NEK1: variants seen among roughly 807,000 people sequenced by gnomAD.
NEK1 encodes the protein serine/threonine-protein kinase Nek1.
Under a neutral mutation model 182.1 loss-of-function variants are expected in NEK1, and 137 were observed. The ratio of observed to expected loss-of-function variants is 0.75; its 90% CI spans 0.65 to 0.87. The LOEUF is 0.87. NEK1 is among the 40% of genes least tolerant of loss of function. The pLI, the probability that NEK1 is intolerant of heterozygous loss-of-function variation, is 0.00. For synonymous variants in NEK1, 513 were observed against 492.2 expected (o/e 1.04, Z -0.56); for missense variants, 1,391 against 1,494.4 (o/e 0.93, Z 1.14).
At chr4:169,490,676 G>A (rs769222054) in intron 23 of NEK1, among the ~76,000 whole-genome samples, 6 of 151,956 alleles carry the variant, frequency 3.9e-5, no homozygotes, top group African/African-American at 9.7e-5. Flanking sequence ...TTCAATGAAT[G>A]AAATTGTTAA....
Position 169,602,118 on chromosome 4 carries a change from A to G in NEK1, c.118-14T>C. 6.4e-7 allele frequency: 1 copy of G among 1,569,880 alleles called. No homozygotes were observed. Among genetic ancestry groups the G allele is most frequent in the Non-Finnish European group, 8.8e-7 (1 of 1,140,510 alleles). ...TTTACTGGACATCTTAAATGGGAGG[A>G]AAAAGAAAATAGTAAATGAAACCAT... On this transcript the variant is annotated splice_polypyrimidine_tract_variant and intron_variant, in intron 3 of 35. Coordinates refer to ENST00000507142, the MANE Select transcript of NEK1 (RefSeq NM_001199397.3).
At chr4:169,457,073 G>A (rs770137989) in intron 27 of NEK1, among the ~76,000 whole-genome samples, 2 of 152,132 alleles carry the variant, frequency 1.3e-5, no homozygotes, top group Non-Finnish European at 2.9e-5. Flanking sequence ...GGGTGGTGGT[G>A]GTGGGTGGTG....
At chr4:169,433,523 T>C (rs183106366) in intron 29 of NEK1, 22 bp downstream of exon 29, 1 of 1,586,894 alleles carries the variant, frequency 6.3e-7, no homozygotes, top group Middle Eastern at 1.7e-4. Flanking sequence ...GGTTTTAAAA[T>C]GTCAGGAAAA....
chr4:169,425,522 T>C (rs1269192668), intron 30 of NEK1, among the ~76,000 whole-genome samples: 1 of 152,214 alleles, frequency 6.6e-6, no homozygotes, highest in Admixed American at 6.5e-5. Context: ...AGTTTATCTT[T>C]GTTCCTATAG....
intron 27 of NEK1, 68 bp downstream of exon 27, chr4:169,463,175 T>G: frequency 1.1e-6 from 1 of 894,972 alleles, no homozygotes; most frequent in Non-Finnish European, 1.5e-6. Context: ...TGGAAACATC[T>G]TAAAATACAT....
intron 2 of NEK1, among the ~76,000 whole-genome samples, chr4:169,603,706 A>ATT (rs398064265): frequency 0.025 from 3,293 of 129,690 alleles, 74 homozygotes; most frequent in African/African-American, 0.057. Context: ...TTTATTGAAC[A>ATT]TTTTTTTTTT....
chr4:169,426,265 A>G (rs1457285448), intron 29 of NEK1, 31 bp from the exon 30 acceptor site: 1 of 1,559,326 alleles, frequency 6.4e-7, no homozygotes, highest in Admixed American at 1.7e-5. Context: ...AATTAAAAAC[A>G]CACACACTTA....
chr4:169,590,903 A>G, intron 5 of NEK1, 94 bp from the exon 6 acceptor site: 1 of 809,232 alleles, frequency 1.2e-6, no homozygotes, highest in Non-Finnish European at 2.0e-6. Flanking sequence ...CCTTAAAAAG[A>G]TATTTTAGGC....
Position 169,401,617 on chromosome 4 carries a change from G to C in NEK1, c.3583+35C>G, listed in dbSNP as rs749492819. Reference sequence around the variant, plus strand: ...ACTCTACTTGAAATATTTGTAAACTGAAAAAGAAAAAGGTCCAAAACTCTG... The same window carrying C: ...ACTCTACTTGAAATATTTGTAAACTCAAAAAGAAAAAGGTCCAAAACTCTG... On this transcript the variant is annotated intron_variant, in intron 33 of 35. Transcript: ENST00000507142. The C allele has an allele frequency of 2.5e-6, 4 of 1,580,452 alleles. No homozygotes were observed. In the South Asian group the frequency reaches 3.4e-5, roughly 13 times the overall value.
intron 19 of NEK1, among the ~76,000 whole-genome samples, chr4:169,509,341 T>C (rs2149700257): frequency 6.6e-6 from 1 of 152,268 alleles, no homozygotes; most frequent in African/African-American, 2.4e-5. Flanking sequence ...GCATGTTCAG[T>C]TACTATACAG....
intron 27 of NEK1, among the ~76,000 whole-genome samples, chr4:169,441,742 C>T (rs78093096): frequency 0.032 from 4,871 of 151,788 alleles, 108 homozygotes; most frequent in Middle Eastern, 0.054. Flanking sequence ...AGGGCCCACC[C>T]AGCCTGCCAG....
intron 12 of NEK1, among the ~76,000 whole-genome samples, chr4:169,570,020 C>T (rs1444698834): frequency 2.8e-5 from 4 of 142,064 alleles, no homozygotes; most frequent in African/African-American, 5.1e-5. Context: ...CGGCTCTGCC[C>T]GGCCGCCATC....
intron 18 of NEK1, among the ~76,000 whole-genome samples, chr4:169,544,735 T>C (rs185206533): frequency 1.4e-4 from 22 of 151,934 alleles, no homozygotes; most frequent in Non-Finnish European, 2.6e-4. Context: ...TCTAGGAATT[T>C]ATCCATTTCT....
Position 169,430,230 on chromosome 4 carries a change from T to C in NEK1, c.2885+3315A>G, listed in dbSNP as rs55867573. ...CAGAGTCTCACTCTGTCACCTAGGC[T>C]GGAGTACAGTGGCGCAATCTTGGCT... On this transcript the variant is annotated intron_variant, in intron 29 of 35. Transcript: ENST00000507142. 7.3e-3 allele frequency among the ~76,000 whole-genome samples: 1,110 copies of C among 152,274 alleles called. 7 individuals carry two copies. The highest frequency in any genetic ancestry group is 0.025 in the African/African-American group (1,036 of 41,558).
At chr4:169,396,063 T>A (rs1010324893) in intron 35 of NEK1, among the ~76,000 whole-genome samples, 1 of 152,068 alleles carries the variant, frequency 6.6e-6, no homozygotes, top group African/African-American at 2.4e-5. Flanking sequence ...GGTATGTGTC[T>A]CTTTCTTAAG....
intron 18 of NEK1, among the ~76,000 whole-genome samples, chr4:169,543,862 T>C (rs1363932533): frequency 2.0e-5 from 3 of 152,246 alleles, no homozygotes; most frequent in Non-Finnish European, 4.4e-5. Context: ...AAGTTGCTTA[T>C]CAGCTTAAGG....
chr4:169,569,695 T>C (rs1316647437), intron 12 of NEK1, among the ~76,000 whole-genome samples: 1 of 152,156 alleles, frequency 6.6e-6, no homozygotes. Flanking sequence ...GGTTTCGCTG[T>C]GTTGGCCGGG....
chr4:169,446,303 G>A (rs1192419253), intron 27 of NEK1, among the ~76,000 whole-genome samples: 1 of 151,886 alleles, frequency 6.6e-6, no homozygotes, highest in African/African-American at 2.4e-5. Context: ...GAGAAAAAGA[G>A]TGAAGACCCA....
intron 5 of NEK1, among the ~76,000 whole-genome samples, chr4:169,591,878 T>C (rs952388698): frequency 6.6e-6 from 1 of 152,010 alleles, no homozygotes; most frequent in Admixed American, 6.6e-5. Flanking sequence ...GCAACATAAA[T>C]GATAGATTGC....
Sources: gnomAD v4.1 joint callset for allele counts (sites outside exome capture counted in the v4.1 genomes callset) on GRCh38, gnomAD v4.1.1 for gene constraint, MANE v1.5 for transcripts, NCBI Gene and HGNC (gene_info 2026-07-23, HGNC 2026-07-21) for gene names.